Variants in SACM1L observed in about 807,000 individuals in gnomAD.
The protein encoded by SACM1L is SAC1 like phosphatidylinositide phosphatase, also known as phosphatidylinositol-3-phosphatase SAC1.
A neutral mutation model predicts 89.5 loss-of-function variants in SACM1L; 32 were observed. The ratio of observed to expected loss-of-function variants is 0.36; its 90% confidence interval spans 0.27 to 0.48. SACM1L has a LOEUF of 0.48. Among genes scored for constraint, SACM1L ranks in the 20% least tolerant of loss-of-function variants. The pLI is 0.99. For synonymous variants in SACM1L, 213 were observed against 232.8 expected (o/e 0.92, Z 0.77); for missense variants, 543 against 708.5 (o/e 0.77, Z 2.65).
At chr3:45,715,590 A>G (rs1575397740) in intron 7 of SACM1L, among the ~76,000 whole-genome samples, 1 of 152,196 alleles carries the variant, frequency 6.6e-6, no homozygotes, top group Non-Finnish European at 1.5e-5. Context: ...TCTGGACAAC[A>G]TGGTGAAACC....
chr3:45,694,755 G>A lies in SACM1L; in HGVS notation c.32+5258G>A, dbSNP rs1050341028. Among the ~76,000 whole-genome samples, 3 of 152,184 alleles carry A rather than the reference G, an allele frequency of 2.0e-5. No homozygotes were observed. The East Asian group carries it at 5.8e-4, about 29-fold the overall frequency. ...GCACTCTGAAATATTTTAGGGCTGGGCATACATAGCTGAGTTAGGACCAGA... is the reference window on the plus strand; with the variant it reads ...GCACTCTGAAATATTTTAGGGCTGGACATACATAGCTGAGTTAGGACCAGA... On this transcript the variant is annotated intron_variant, in intron 1 of 19. Transcript: ENST00000389061.
intron 11 of SACM1L, among the ~76,000 whole-genome samples, chr3:45,729,109 CAG>C (rs1020742463): frequency 6.0e-5 from 9 of 151,182 alleles, no homozygotes; most frequent in East Asian, 3.9e-4. Context: ...TTTTTTGAGA[CAG>C]AGTCTTATTC....
At chr3:45,710,561 C>G (rs1192154361) in intron 5 of SACM1L, among the ~76,000 whole-genome samples, 1 of 141,372 alleles carries the variant, frequency 7.1e-6, no homozygotes. Flanking sequence ...TTCATATGAT[C>G]TCAACTTAAA....
rs576258660 is a variant in SACM1L at position 45,743,807 on chromosome 3, A to T, written c.*138A>T. ...AAGCACATCTTGTGCTCCATGCAGG[A>T]TGATGACAGAATTGATCTGATGTTA... is the stretch of plus-strand genomic sequence containing the variant. On this transcript the variant is annotated 3_prime_UTR_variant, in exon 20 of 20. Transcript: ENST00000389061. The T allele has an allele frequency of 2.5e-6, 2 of 806,776 alleles. No homozygotes were observed. The highest frequency in any genetic ancestry group is 1.7e-5 in the African/African-American group (1 of 57,386). The allele number at this position is 806,776 out of a possible 1,614,324, so 50.0% of individuals were successfully genotyped here. A position where few individuals can be genotyped will look rare whatever the true frequency, so the allele number is the denominator to read the frequency against.
intron 9 of SACM1L, among the ~76,000 whole-genome samples, chr3:45,722,346 T>A (rs1400140532): frequency 1.3e-5 from 2 of 151,916 alleles, no homozygotes; most frequent in African/African-American, 2.4e-5. Context: ...AATGGAGCCA[T>A]CTGTCTATTG....
At chr3:45,723,835 T>TA (rs1698844544) in intron 11 of SACM1L, among the ~76,000 whole-genome samples, 1 of 152,148 alleles carries the variant, frequency 6.6e-6, no homozygotes. Context: ...AGTGGAATAA[T>TA]ACAATGTTTT....
chr3:45,738,954 C>A, intron 18 of SACM1L, 81 bp downstream of exon 18: 1 of 830,856 alleles, frequency 1.2e-6, no homozygotes, highest in Non-Finnish European at 2.0e-6. Context: ...CAATTTAAAA[C>A]GTTATATGTG....
At chr3:45,694,426 A>G (rs760851950) in intron 1 of SACM1L, among the ~76,000 whole-genome samples, 10 of 152,210 alleles carry the variant, frequency 6.6e-5, no homozygotes, top group Non-Finnish European at 1.2e-4. Flanking sequence ...GAACATTCAT[A>G]TTATTCACAG....
intron 13 of SACM1L, chr3:45,734,806 C>G (rs1699162192): frequency 6.5e-6 from 1 of 153,432 alleles, no homozygotes; most frequent in Non-Finnish European, 1.5e-5. Flanking sequence ...CAGTTGATCT[C>G]AAGGCCAGGA....
intron 1 of SACM1L, among the ~76,000 whole-genome samples, chr3:45,691,254 TTA>T (rs1210520434): frequency 3.3e-5 from 5 of 152,332 alleles, no homozygotes; most frequent in African/African-American, 1.2e-4. Flanking sequence ...AAAAAAAAGT[TTA>T]GAGTGTTTCT....
chr3:45,692,546 G>A (rs1033013395), intron 1 of SACM1L, among the ~76,000 whole-genome samples: 1 of 152,188 alleles, frequency 6.6e-6, no homozygotes, highest in African/African-American at 2.4e-5. Flanking sequence ...CTCGTCTTAA[G>A]TGATCCATGC....
At chr3:45,700,639 TTCTA>T (rs746536531) in intron 1 of SACM1L, among the ~76,000 whole-genome samples, 58 of 152,270 alleles carry the variant, frequency 3.8e-4, no homozygotes, top group Non-Finnish European at 7.2e-4. Context: ...TACCTATCAG[TTCTA>T]TCTCTTTTTA....
At chr3:45,739,174 A>G (rs568316828) in intron 18 of SACM1L, among the ~76,000 whole-genome samples, 6 of 152,308 alleles carry the variant, frequency 3.9e-5, no homozygotes, top group African/African-American at 1.2e-4. Context: ...GCCAGAGACA[A>G]ACGTGTTACA....
Position 45,714,031 on chromosome 3 carries a change from A to G in SACM1L, c.544-15A>G, listed in dbSNP as rs752089310. ...TTTAAAGTATATTTATTCTAAATAT[A>G]TATCTTCATTTCAGGTTCATCGGTT... On this transcript the variant is annotated splice_polypyrimidine_tract_variant and intron_variant, in intron 6 of 19. Coordinates refer to ENST00000389061, the MANE Select transcript of SACM1L (RefSeq NM_014016.5). 2.1e-6 allele frequency: 3 copies of G among 1,427,418 alleles called. No homozygotes were observed. Among genetic ancestry groups the G allele is most frequent in the Non-Finnish European group, 2.9e-6 (3 of 1,032,228 alleles). The allele number at this position is 1,427,418 out of a possible 1,614,324, so 88.4% of individuals were successfully genotyped here.
chr3:45,695,910 G>A (rs188606757), intron 1 of SACM1L, among the ~76,000 whole-genome samples: 67 of 152,008 alleles, frequency 4.4e-4, no homozygotes, highest in African/African-American at 1.5e-3. Flanking sequence ...TCATGAAGTG[G>A]CAGTATTTGT....
intron 11 of SACM1L, among the ~76,000 whole-genome samples, chr3:45,730,914 C>T (rs772004322): frequency 1.3e-5 from 2 of 152,154 alleles, no homozygotes; most frequent in African/African-American, 2.4e-5. Flanking sequence ...CTTCATGTTA[C>T]AACAGATGTA....
chr3:45,693,718 C>G (rs1024861683), intron 1 of SACM1L, among the ~76,000 whole-genome samples: 1 of 152,090 alleles, frequency 6.6e-6, no homozygotes, highest in Non-Finnish European at 1.5e-5. Context: ...TCAGACATGC[C>G]AGGTATTGAA....
intron 19 of SACM1L, chr3:45,739,845 AC>A: frequency 3.3e-6 from 2 of 605,618 alleles, no homozygotes; most frequent in Admixed American, 6.0e-5. Context: ...GTTTTTTTTA[AC>A]CTCAGATTTT....
chr3:45,701,657 A>G (rs1698274481), intron 1 of SACM1L, among the ~76,000 whole-genome samples: 1 of 152,206 alleles, frequency 6.6e-6, no homozygotes, highest in South Asian at 2.1e-4. Flanking sequence ...GGAAAAGGGA[A>G]GTGTACAGTT....
Sources: allele counts gnomAD v4.1 joint callset (sites outside exome capture counted in the v4.1 genomes callset), GRCh38; gene constraint gnomAD v4.1.1; transcripts MANE v1.5; gene names NCBI Gene and HGNC (gene_info 2026-07-23, HGNC 2026-07-21).